The following USP7 variants were observed in gnomAD, a reference collection of about 807,000 sequenced individuals.
USP7 encodes the protein ubiquitin C-terminal hydrolase 7.
A neutral mutation model predicts 162.9 loss-of-function variants in USP7; 9 were observed. The observed-to-expected ratio is 0.06, with a 90% CI of 0.03 to 0.10. USP7 has a LOEUF of 0.10. Among genes scored for constraint, USP7 ranks in the 10% least tolerant of loss-of-function variants. The pLI is 1.00. For missense variants in USP7, 715 were observed against 1,373.7 expected (o/e 0.52, Z 7.58); for synonymous variants, 562 against 475.9 (o/e 1.18, Z -2.35).
At chr16:8,942,735 G>A (rs1899105558) in intron 1 of USP7, among the ~76,000 whole-genome samples, 1 of 152,226 alleles carries the variant, frequency 6.6e-6, no homozygotes, top group East Asian at 1.9e-4. Flanking sequence ...TTTTTGTAGA[G>A]ACTGGGTCTC....
At chr16:8,956,523 G>C (rs2141266708) in intron 1 of USP7, 1 of 152,456 alleles carries the variant, frequency 6.6e-6, no homozygotes, top group African/African-American at 2.4e-5. Context: ...CCAACACTTT[G>C]GGAGGCGGAG....
chr16:8,904,628 G>C (rs878989275), intron 14 of USP7, 63 bp from the exon 15 acceptor site: 7 of 1,583,092 alleles, frequency 4.4e-6, no homozygotes, highest in Non-Finnish European at 6.0e-6. Context: ...AGAAGCTCCC[G>C]ATTCTAGGTC....
At chr16:8,930,950 C>G (rs1182895748) in intron 1 of USP7, among the ~76,000 whole-genome samples, 1 of 146,472 alleles carries the variant, frequency 6.8e-6, no homozygotes, top group African/African-American at 2.5e-5. Flanking sequence ...GCCTGGCCGT[C>G]AGGGTGAGAC....
intron 1 of USP7, chr16:8,962,386 C>T (rs1381447247): frequency 3.5e-6 from 1 of 286,528 alleles, no homozygotes; most frequent in Non-Finnish European, 7.7e-6. Flanking sequence ...TTTACAGCGT[C>T]TTCACATCCA....
At chr16:8,897,841 G>A (rs2061713314) in intron 25 of USP7, among the ~76,000 whole-genome samples, 3 of 149,402 alleles carry the variant, frequency 2.0e-5, no homozygotes, top group Non-Finnish European at 4.4e-5. Context: ...CTACGCTGTC[G>A]TGGGCTGTGA....
chr16:8,950,288 C>A (rs1156291240), intron 1 of USP7, among the ~76,000 whole-genome samples: 1 of 151,982 alleles, frequency 6.6e-6, no homozygotes, highest in Non-Finnish European at 1.5e-5. Context: ...GTAGAAGACA[C>A]AACAGACATT....
intron 20 of USP7, 27 bp from the exon 21 acceptor site, chr16:8,900,657 C>T (rs775496192): frequency 1.3e-6 from 2 of 1,549,960 alleles, no homozygotes; most frequent in South Asian, 2.3e-5. Context: ...AAAATTGTTA[C>T]ACTGCAAGTT....
chr16:8,932,392 C>T (rs1898408117), intron 1 of USP7, among the ~76,000 whole-genome samples: 1 of 152,058 alleles, frequency 6.6e-6, no homozygotes, highest in Admixed American at 6.6e-5. Flanking sequence ...ATAGTGAGAC[C>T]TCATCTCAAT....
chr16:8,911,135 T>C (rs745694795), intron 10 of USP7, among the ~76,000 whole-genome samples: 2 of 152,208 alleles, frequency 1.3e-5, no homozygotes, highest in East Asian at 1.9e-4. Flanking sequence ...CAGCTTGGAA[T>C]TGGGCAGTGT....
At position 8,892,606 on chromosome 16, in the gene USP7, T is replaced by TAAAAA. The variant is rs55937310; in HGVS notation, c.*1387_*1391dup. ...AGAGTAAATGTGACTAGTTAGAGGC[T>TAAAAA]AAAAAAAAAAAAAAAAAAAAAAAGA... On this transcript the variant is annotated 3_prime_UTR_variant, in exon 31 of 31. Coordinates refer to ENST00000344836, the MANE Select transcript of USP7 (RefSeq NM_003470.3). 2.5e-5 allele frequency: 3 copies of TAAAAA among 119,998 alleles called. No individual in the cohort carries two copies. The highest frequency in any genetic ancestry group is 3.5e-5 in the Non-Finnish European group (2 of 57,812). 7.4% of individuals were successfully genotyped at this position (119,998 alleles called of 1,614,324 possible). A position where few individuals can be genotyped will look rare whatever the true frequency, so the allele number is the denominator to read the frequency against.
intron 1 of USP7, among the ~76,000 whole-genome samples, chr16:8,935,174 T>C (rs930787766): frequency 6.6e-6 from 1 of 151,948 alleles, no homozygotes; most frequent in Admixed American, 6.6e-5. Flanking sequence ...GGGACTGATT[T>C]GGCCAAACAC....
rs145148835 is a variant in USP7, at chr16:8,944,543, C to T, written c.80-14146G>A. On this transcript the variant is annotated intron_variant, in intron 1 of 30. Transcript: ENST00000344836. Reference sequence around the variant, plus strand: ...ACTCTTGGTTGTGCTAATGTAAGTCCTTTAAAAATAGTCAAACATAACCAA... The same window carrying T: ...ACTCTTGGTTGTGCTAATGTAAGTCTTTTAAAAATAGTCAAACATAACCAA... Among the ~76,000 whole-genome samples the T allele has an allele frequency of 1.3e-3, 204 of 152,242 alleles. 1 individual carries two copies. Among genetic ancestry groups the T allele is most frequent in the African/African-American group, 4.5e-3 (187 of 41,544 alleles).
At chr16:8,959,414 C>G (rs904645809) in intron 1 of USP7, among the ~76,000 whole-genome samples, 11 of 150,868 alleles carry the variant, frequency 7.3e-5, no homozygotes, top group Non-Finnish European at 1.5e-4. Context: ...CATTTCATTA[C>G]AGAGAAAAAA....
chr16:8,921,039 C>T (rs1235724579), intron 4 of USP7, 118 bp downstream of exon 4: 2 of 1,174,288 alleles, frequency 1.7e-6, no homozygotes, highest in Non-Finnish European at 2.3e-6. Context: ...GACACTTGTC[C>T]AATTTAGAAA....
At position 8,893,739 on chromosome 16, in the gene USP7, G is replaced by T; in HGVS notation, c.*259C>A. Reference sequence around the variant, plus strand: ...CTAACCTCTTCTCCCCCATTGCGCTGACAGTTGCCTTGCACTGTGGTTACC... The same window carrying T: ...CTAACCTCTTCTCCCCCATTGCGCTTACAGTTGCCTTGCACTGTGGTTACC... On this transcript the variant is annotated 3_prime_UTR_variant, in exon 31 of 31. Transcript: ENST00000344836. 2.4e-6 allele frequency: 1 copy of T among 416,028 alleles called. No homozygotes were observed. Among genetic ancestry groups the T allele is most frequent in the Non-Finnish European group, 4.5e-6 (1 of 222,012 alleles). 25.8% of individuals were successfully genotyped at this position (416,028 alleles called of 1,614,324 possible).
intron 21 of USP7, chr16:8,900,130 G>A: frequency 2.7e-6 from 1 of 363,978 alleles, no homozygotes; most frequent in Non-Finnish European, 5.0e-6. Context: ...GGGCTTTCGT[G>A]TGCCATCGAG....
At chr16:8,940,587 T>C (rs1247124093) in intron 1 of USP7, among the ~76,000 whole-genome samples, 1 of 152,108 alleles carries the variant, frequency 6.6e-6, no homozygotes. Flanking sequence ...TGGGAGCCTG[T>C]AAGCTCCCGA....
intron 2 of USP7, chr16:8,929,263 A>G (rs1044196348): frequency 3.3e-5 from 11 of 337,754 alleles, no homozygotes; most frequent in Non-Finnish European, 6.4e-5. Context: ...AAAACCTCCA[A>G]AAGCCCAACA....
intron 16 of USP7, among the ~76,000 whole-genome samples, 163 bp downstream of exon 16, chr16:8,903,105 G>A (rs1324086157): frequency 6.6e-6 from 1 of 152,138 alleles, no homozygotes; most frequent in African/African-American, 2.4e-5. Context: ...TGGTTTTCTT[G>A]CACTTTCTCA....
Sources: gnomAD v4.1 joint callset for allele counts (sites outside exome capture counted in the v4.1 genomes callset) on GRCh38, gnomAD v4.1.1 for gene constraint, MANE v1.5 for transcripts, NCBI Gene and HGNC (gene_info 2026-07-23, HGNC 2026-07-21) for gene names.